The following CD163L1 variants were observed in gnomAD, a reference collection of about 807,000 sequenced individuals.
CD163L1 encodes the protein CD163 molecule like 1.
In CD163L1, 124 loss-of-function variants were observed where a neutral mutation model predicts 165.4. The ratio of observed to expected loss-of-function variants is 0.75; its 90% CI spans 0.65 to 0.87. The LOEUF is 0.87. Ranked by LOEUF, CD163L1 falls within the 40% of genes least tolerant of loss-of-function variation. The probability of loss-of-function intolerance (pLI) is 0.00; values close to 1 mark genes in which losing one functional copy is unlikely to be tolerated. For missense variants in CD163L1, 1,525 were observed against 1,799.9 expected (o/e 0.85, Z 2.76); for synonymous variants, 585 against 662.2 (o/e 0.88, Z 1.79).
At position 7,347,987 on chromosome 12, in the gene CD163L1, G is replaced by T. The variant is rs1035012024; in HGVS notation, c.*25-840C>A. Among the ~76,000 whole-genome samples, 1 of 151,968 alleles carries T rather than the reference G, an allele frequency of 6.6e-6. No individual in the cohort carries two copies. The highest frequency in any genetic ancestry group is 1.5e-5 in the Non-Finnish European group (1 of 68,002). On this transcript the variant is annotated intron_variant, in intron 4 of 4. Coordinates refer to the CD163L1 transcript ENST00000539726. This position sits in a 1 kb window ranked among gnomAD's most constrained non-coding sequence, Gnocchi z 4.2. ...TTCTTCTTTAAATATTTACTACTTT[G>T]CATCATTAAATTAACACATTTTCAA...
At chr12:7,340,861 A>C in the CD163L1 span, among the ~76,000 whole-genome samples, 1 of 152,192 alleles carries the variant, frequency 6.6e-6, no homozygotes, top group Non-Finnish European at 1.5e-5. Context: ...CTTTTCTGCA[A>C]GTTGGTGTAT....
chr12:7,326,248 G>A, the CD163L1 span, among the ~76,000 whole-genome samples: 1 of 152,092 alleles, frequency 6.6e-6, no homozygotes, highest in East Asian at 1.9e-4. Flanking sequence ...TGTCACCCAG[G>A]GTGGAGTGCC....
At chr12:7,418,416 G>A (rs73059765) in intron 4 of CD163L1, among the ~76,000 whole-genome samples, 18,750 of 151,944 alleles carry the variant, frequency 0.12, 1,669 homozygotes, top group African/African-American at 0.24. Context: ...AGCCTTAAAT[G>A]CCTGCATCAG....
Position 7,436,017 on chromosome 12 carries a change from T to C in CD163L1, c.125-2323A>G, listed in dbSNP as rs1035507425. Among the ~76,000 whole-genome samples, 3 of 152,186 alleles carry C rather than the reference T, an allele frequency of 2.0e-5. No individual in the cohort carries two copies. The East Asian group carries it at 5.8e-4, about 29-fold the overall frequency. On this transcript the variant is annotated intron_variant, in intron 2 of 19. Coordinates refer to ENST00000313599, the MANE Select transcript of CD163L1 (RefSeq NM_174941.6). ...AAACAATACATTATTTCTGCATCTA[T>C]ATCTATCATATTATTAGAAAGTATT...
intron 18 of CD163L1, among the ~76,000 whole-genome samples, chr12:7,363,406 G>C (rs1339233090): frequency 6.6e-6 from 1 of 150,914 alleles, no homozygotes; most frequent in Non-Finnish European, 1.5e-5. Context: ...CCCCAAATTA[G>C]TAGATAAAAA....
In CD163L1 at chr12:7,398,792, G is replaced by A. The variant is rs181388398; in HGVS notation, c.1409-208C>T. On this transcript the variant is annotated intron_variant, in intron 6 of 19. Transcript: ENST00000313599. The surrounding 1 kb of genome is among the most constrained non-coding windows in gnomAD (Gnocchi z 4.5). The stretch of plus-strand genomic sequence containing the variant: ...AGGTGTCTCTAAAGCATGAAACGAC[G>A]ACAGCAAATTTACTGAAGTAAAGCC... 1.7e-3 allele frequency among the ~76,000 whole-genome samples: 254 copies of A among 152,182 alleles called. No homozygotes were observed. Among genetic ancestry groups the A allele is most frequent in the African/African-American group, 5.5e-3 (227 of 41,522 alleles).
intron 8 of CD163L1, among the ~76,000 whole-genome samples, chr12:7,393,086 T>C (rs1009140256): frequency 1.3e-5 from 2 of 152,072 alleles, no homozygotes; most frequent in African/African-American, 4.8e-5. Flanking sequence ...GCCAACATCA[T>C]CCTGATACCA....
intron 4 of CD163L1, among the ~76,000 whole-genome samples, chr12:7,407,574 T>C (rs1478245020): frequency 1.3e-5 from 2 of 151,364 alleles, no homozygotes; most frequent in Non-Finnish European, 3.0e-5. Flanking sequence ...ATATGTATCA[T>C]ATGTAGTGGT....
rs917661029 is a variant in CD163L1 at position 7,432,597 on chromosome 12, T to C, written c.585A>G (p.Gln195=). The change falls in exon 4 of 20, where the codon CAA becomes CAG. Residue 195 remains glutamine (Q), a synonymous_variant. Transcript: ENST00000313599. This position sits in a 1 kb window ranked among gnomAD's most constrained non-coding sequence, Gnocchi z 4.2. ...NLNTAAVVCR[Q]LGCPSSFISS... Reference sequence around the variant, plus strand: ...AAATAAAAGAAGATGGACATCCTAGTTGCCTGCACACCACGGCAGCAGTAT... The same window carrying C: ...AAATAAAAGAAGATGGACATCCTAGCTGCCTGCACACCACGGCAGCAGTAT... 2 of 1,614,066 alleles carry C rather than the reference T, an allele frequency of 1.2e-6. No individual in the cohort carries two copies. Among genetic ancestry groups the C allele is most frequent in the African/African-American group, 2.7e-5 (2 of 74,922 alleles).
chr12:7,375,848 C>T lies in CD163L1; in HGVS notation c.2538G>A (p.Val846=). 1 of 1,614,192 alleles carries T rather than the reference C, an allele frequency of 6.2e-7. No homozygotes were observed. Among genetic ancestry groups the T allele is most frequent in the Non-Finnish European group, 8.5e-7 (1 of 1,180,038 alleles). The change falls in exon 10 of 20, where the codon GTG becomes GTA. Residue 846 remains valine, a synonymous_variant. Coordinates refer to ENST00000313599, the MANE Select transcript of CD163L1 (RefSeq NM_174941.6). ...LNCGDAISLS[V]GDHFGKGNGL... ...CATTCCCTTTTCCAAAGTGATCTCC[C>T]ACAGAAAGAGATATGGCATCTCCAC...
At chr12:7,427,087 G>A (rs767796929) in intron 4 of CD163L1, among the ~76,000 whole-genome samples, 1 of 152,090 alleles carries the variant, frequency 6.6e-6, no homozygotes, top group Non-Finnish European at 1.5e-5. Context: ...GGGAGAAATA[G>A]TAATACGTAA....
chr12:7,324,544 T>C, the CD163L1 span: 1 of 1,613,860 alleles, frequency 6.2e-7, no homozygotes, highest in Non-Finnish European at 8.5e-7. Context: ...TCATTGAGCA[T>C]CCAGCAGTTG....
At chr12:7,328,578 G>A in the CD163L1 span, 1 of 336,558 alleles carries the variant, frequency 3.0e-6, no homozygotes, top group Admixed American at 4.8e-5. Context: ...TTGTTATAAT[G>A]ACCAAACTGA....
chr12:7,331,904 T>C, the CD163L1 span, among the ~76,000 whole-genome samples: 1 of 152,128 alleles, frequency 6.6e-6, no homozygotes, highest in African/African-American at 2.4e-5. Flanking sequence ...ACGCAGCTCC[T>C]CACCAGCAAC....
At chr12:7,335,049 G>A in the CD163L1 span, among the ~76,000 whole-genome samples, 69 of 152,264 alleles carry the variant, frequency 4.5e-4, no homozygotes, top group African/African-American at 1.6e-3. Flanking sequence ...TCAATATCAT[G>A]AAAATGGCCA....
chr12:7,367,432 G>T, intron 17 of CD163L1, 101 bp from the exon 18 acceptor site: 1 of 634,054 alleles, frequency 1.6e-6, no homozygotes, highest in Non-Finnish European at 2.7e-6. Context: ...ATCCCTCTGA[G>T]CTAAAATCCA....
chr12:7,343,507 C>T (rs1182779221), downstream of CD163L1, among the ~76,000 whole-genome samples: 1 of 152,064 alleles, frequency 6.6e-6, no homozygotes, highest in Non-Finnish European at 1.5e-5. Flanking sequence ...CCTCAGGAAG[C>T]TTATAATCAT....
intron 19 of CD163L1, among the ~76,000 whole-genome samples, chr12:7,356,741 T>C (rs12817901): frequency 6.6e-6 from 1 of 152,292 alleles, no homozygotes; most frequent in Admixed American, 6.5e-5. Flanking sequence ...GAAAGCACTG[T>C]TCCTTTTGTG....
At chr12:7,367,185 C>G in intron 18 of CD163L1, 51 bp downstream of exon 18, 5 of 1,104,240 alleles carry the variant, frequency 4.5e-6, no homozygotes, top group Non-Finnish European at 5.4e-6. Context: ...AGCGGTATTT[C>G]CTCATATTCC....
Sources: gnomAD v4.1 joint callset for allele counts (sites outside exome capture counted in the v4.1 genomes callset) on GRCh38, gnomAD v4.1.1 for gene constraint, Gnocchi (gnomAD v3.1) non-coding constraint, MANE v1.5 for transcripts, NCBI Gene and HGNC (gene_info 2026-07-23, HGNC 2026-07-21) for gene names.